ROCK1: variants seen among roughly 807,000 people sequenced by gnomAD.
ROCK1 encodes the protein Rho associated coiled-coil containing protein kinase 1.
In ROCK1, 36 loss-of-function variants were observed where a neutral mutation model predicts 196.8. The observed-to-expected ratio is 0.18, with a 90% CI of 0.14 to 0.24. ROCK1 has a LOEUF of 0.24. ROCK1 is among the 10% of genes least tolerant of loss of function. ROCK1 has a pLI of 1.00. For synonymous variants in ROCK1, 443 were observed against 515.9 expected (o/e 0.86, Z 1.91); for missense variants, 920 against 1,562.0 (o/e 0.59, Z 6.93).
intron 16 of ROCK1, among the ~76,000 whole-genome samples, chr18:21,004,336 AC>A (rs1223471932): frequency 6.6e-6 from 1 of 152,172 alleles, no homozygotes; most frequent in Non-Finnish European, 1.5e-5. Flanking sequence ...TACTTGAGAG[AC>A]CTGAAAGTTC....
intron 16 of ROCK1, among the ~76,000 whole-genome samples, chr18:20,995,426 A>C (rs1293210055): frequency 3.9e-5 from 6 of 152,142 alleles, no homozygotes; most frequent in Admixed American, 2.6e-4. Flanking sequence ...AAGAACCAAC[A>C]ATCAGCTTAG....
At chr18:21,025,368 T>C (rs926304622) in intron 10 of ROCK1, among the ~76,000 whole-genome samples, 4 of 152,242 alleles carry the variant, frequency 2.6e-5, no homozygotes, top group Non-Finnish European at 5.9e-5. Flanking sequence ...TTCAGAGGTT[T>C]TCTATTTCAT....
chr18:20,994,246 G>A (rs2035651543), intron 16 of ROCK1, among the ~76,000 whole-genome samples: 1 of 152,216 alleles, frequency 6.6e-6, no homozygotes, highest in African/African-American at 2.4e-5. Context: ...GTATATGTGT[G>A]TTTGTGTGGA....
Position 21,042,871 on chromosome 18 carries a change from T to C in ROCK1, c.676-162A>G, listed in dbSNP as rs2036119152. Among the ~76,000 whole-genome samples, 2 of 152,134 alleles carry C rather than the reference T, an allele frequency of 1.3e-5. 1 individual carries two copies. Among genetic ancestry groups the C allele is most frequent in the Admixed American group, 1.3e-4 (2 of 15,264 alleles). On this transcript the variant is annotated intron_variant, in intron 6 of 32. Transcript: ENST00000399799. The stretch of plus-strand genomic sequence containing the variant: ...CCTGACAAAAATTAACACAGCTTAA[T>C]CATATATATACATACTATATACACA...
chr18:20,979,951 GT>G lies in ROCK1; in HGVS notation c.2612del (p.Asn871ThrfsTer5). 1.3e-6 allele frequency: 2 copies of G among 1,546,508 alleles called. No homozygotes were observed. Among genetic ancestry groups the G allele is most frequent in the East Asian group, 2.3e-5 (1 of 42,588 alleles). ...CCTGTATTTTCTTTAAATTTTCTCT[GT>G]TTTTTTCTTCAATTTCTTCTTTAAG... ...KELKEEIEEK[N>X]RENLKKIQEL... On this transcript the variant is annotated frameshift_variant, in exon 22 of 33. Coordinates refer to ENST00000399799, the MANE Select transcript of ROCK1 (RefSeq NM_005406.3). LOFTEE classifies it high-confidence loss of function.
chr18:20,988,357 C>T (rs1365067438), intron 18 of ROCK1, among the ~76,000 whole-genome samples: 1 of 152,052 alleles, frequency 6.6e-6, no homozygotes, highest in East Asian at 1.9e-4. Flanking sequence ...TGTGGGTCCC[C>T]GCACCCGGCC....
chr18:20,973,494 T>C (rs1335007976), intron 22 of ROCK1, among the ~76,000 whole-genome samples: 1 of 151,590 alleles, frequency 6.6e-6, no homozygotes, highest in East Asian at 2.0e-4. Flanking sequence ...GCCAGGCTGG[T>C]AGCGAACTCT....
At chr18:21,030,905 C>G (rs1255691279) in intron 9 of ROCK1, among the ~76,000 whole-genome samples, 1 of 152,102 alleles carries the variant, frequency 6.6e-6, no homozygotes, top group Non-Finnish European at 1.5e-5. Flanking sequence ...ACGACCAGAG[C>G]AACTTTCTGA....
intron 12 of ROCK1, among the ~76,000 whole-genome samples, chr18:21,015,929 G>A (rs2035858958): frequency 1.3e-5 from 2 of 151,214 alleles, no homozygotes; most frequent in South Asian, 2.1e-4. Flanking sequence ...GCAGTGAGCC[G>A]AGATCATGCT....
intron 10 of ROCK1, among the ~76,000 whole-genome samples, chr18:21,027,923 G>A (rs1449918310): frequency 4.8e-5 from 7 of 145,316 alleles, no homozygotes; most frequent in African/African-American, 1.0e-4. Flanking sequence ...TACCACGCCC[G>A]GCTAATTTTT....
chr18:21,074,924 G>A (rs561050857), intron 1 of ROCK1, among the ~76,000 whole-genome samples: 86 of 152,200 alleles, frequency 5.7e-4, no homozygotes, highest in Middle Eastern at 6.8e-3. Flanking sequence ...AGACAGAAGT[G>A]GGGCAAGGCA....
At chr18:21,032,008 C>A (rs1181401760) in intron 9 of ROCK1, among the ~76,000 whole-genome samples, 1 of 152,142 alleles carries the variant, frequency 6.6e-6, no homozygotes, top group Non-Finnish European at 1.5e-5. Flanking sequence ...CCAACATACA[C>A]ATTATGGGAG....
At chr18:21,085,377 A>G (rs1342047729) in intron 1 of ROCK1, among the ~76,000 whole-genome samples, 1 of 136,714 alleles carries the variant, frequency 7.3e-6, no homozygotes, top group East Asian at 2.3e-4. Context: ...CATGTTACGT[A>G]TATTTTACTG....
At chr18:21,045,736 AT>A (rs1197289729) in intron 4 of ROCK1, among the ~76,000 whole-genome samples, 1 of 152,004 alleles carries the variant, frequency 6.6e-6, no homozygotes, top group Non-Finnish European at 1.5e-5. Flanking sequence ...TTTACTGAGA[AT>A]TTTTTTAAAC....
At chr18:20,980,057 T>C in intron 21 of ROCK1, 53 bp from the exon 22 acceptor site, 3 of 1,446,198 alleles carry the variant, frequency 2.1e-6, no homozygotes, top group South Asian at 1.4e-5. Flanking sequence ...TTAAAAACAA[T>C]TTGGCAGTTT....
At chr18:21,104,899 C>T (rs1310906334) in intron 1 of ROCK1, among the ~76,000 whole-genome samples, 1 of 152,174 alleles carries the variant, frequency 6.6e-6, no homozygotes, top group Non-Finnish European at 1.5e-5. Context: ...ATAAATGTCT[C>T]AATTTTCAGT....
chr18:20,976,022 C>G (rs1382538112), intron 22 of ROCK1, among the ~76,000 whole-genome samples: 1 of 152,162 alleles, frequency 6.6e-6, no homozygotes, highest in Non-Finnish European at 1.5e-5. Context: ...ATTGGTTTCC[C>G]TTCCTCTGCC....
At chr18:21,037,619 T>A (rs780387803) in intron 9 of ROCK1, among the ~76,000 whole-genome samples, 6 of 152,120 alleles carry the variant, frequency 3.9e-5, no homozygotes, top group Admixed American at 3.3e-4. Context: ...ACAGGACCTC[T>A]TAGAATTAGG....
At chr18:21,100,813 A>G (rs1165392762) in intron 1 of ROCK1, among the ~76,000 whole-genome samples, 1 of 152,082 alleles carries the variant, frequency 6.6e-6, no homozygotes, top group African/African-American at 2.4e-5. Flanking sequence ...ACTTGAAAGC[A>G]CACTCCCCAT....
Sources: allele counts gnomAD v4.1 joint callset (sites outside exome capture counted in the v4.1 genomes callset), GRCh38; gene constraint gnomAD v4.1.1; transcripts MANE v1.5; gene names NCBI Gene and HGNC (gene_info 2026-07-23, HGNC 2026-07-21).